Variants in RGS6 observed in about 807,000 individuals in gnomAD.
The protein encoded by RGS6 is regulator of G protein signaling 6, also known as regulator of G-protein signaling 6.
RGS6 carries 30 observed loss-of-function variants against 78.5 expected under a neutral mutation model. That is an observed-to-expected ratio of 0.38 (90% CI 0.29 to 0.52). The LOEUF (loss-of-function observed/expected upper bound fraction) is 0.52. Ranked by LOEUF, RGS6 falls within the 20% of genes least tolerant of loss-of-function variation. The pLI is 0.85. For missense variants in RGS6, 495 were observed against 609.7 expected, an observed-to-expected ratio of 0.81 and a Z score of 1.98; for synonymous variants, 206 against 206.0, an observed-to-expected ratio of 1.00 and a Z score of 0.00.
At chr14:71,907,295 TGC>T in the RGS6 span, among the ~76,000 whole-genome samples, 1 of 152,224 alleles carries the variant, frequency 6.6e-6, no homozygotes, top group Non-Finnish European at 1.5e-5. Context: ...TGACTTTGTC[TGC>T]AGGGTCAGGA....
intron 2 of RGS6, among the ~76,000 whole-genome samples, chr14:72,036,170 G>A (rs970102867): frequency 8.1e-5 from 12 of 147,876 alleles, no homozygotes; most frequent in African/African-American, 1.8e-4. Flanking sequence ...ATAATGCCTC[G>A]AAGACTCATC....
At chr14:72,379,073 C>G (rs1399614663) in intron 3 of RGS6, among the ~76,000 whole-genome samples, 4 of 151,920 alleles carry the variant, frequency 2.6e-5, no homozygotes, top group Admixed American at 1.3e-4. Flanking sequence ...TAGAATGAAA[C>G]ACAAAAGTTA....
At chr14:72,261,563 A>G (rs2058159214) in intron 2 of RGS6, among the ~76,000 whole-genome samples, 1 of 152,216 alleles carries the variant, frequency 6.6e-6, no homozygotes, top group African/African-American at 2.4e-5. Flanking sequence ...ATGGAGATCC[A>G]CTGGAACAAG....
Position 72,562,530 on chromosome 14 carries a change from A to G in RGS6, c.*63A>G. ...CCCCACAGGCAGGCGGCGGCGCTCC[A>G]CATCTGCGGACAGAGTTTCCTTACG... On this transcript the variant is annotated 3_prime_UTR_variant, in exon 18 of 18. Transcript: ENST00000553525. The G allele has an allele frequency of 1.3e-6, 2 of 1,599,936 alleles. No individual in the cohort carries two copies. The highest frequency in any genetic ancestry group is 4.5e-5 in the East Asian group (2 of 44,688).
chr14:72,359,043 C>T (rs1458023915), intron 3 of RGS6, among the ~76,000 whole-genome samples: 1 of 152,148 alleles, frequency 6.6e-6, no homozygotes, highest in Admixed American at 6.6e-5. Context: ...TTTCCTCTAC[C>T]TCACTCTTCA....
chr14:72,287,946 C>G (rs2062885828), intron 2 of RGS6, among the ~76,000 whole-genome samples: 1 of 152,194 alleles, frequency 6.6e-6, no homozygotes, highest in South Asian at 2.1e-4. Flanking sequence ...ATAAATCCCA[C>G]TTGGTCATGG....
In RGS6 at chr14:72,518,293, A is replaced by G. The variant is rs2096981030; in HGVS notation, c.1092-58A>G. 5 of 1,538,764 alleles carry G rather than the reference A, an allele frequency of 3.2e-6. No individual in the cohort carries two copies. In the South Asian group the frequency reaches 3.6e-5, roughly 11 times the overall value. ...GGGACATCAGCTCTGGGGCCATCTC[A>G]GGCAACATCCCGATGCTGAGCCCCC... On this transcript the variant is annotated intron_variant, in intron 14 of 17. Transcript: ENST00000553525.
intron 3 of RGS6, among the ~76,000 whole-genome samples, chr14:72,380,479 A>C (rs1375182048): frequency 6.6e-6 from 1 of 151,954 alleles, no homozygotes; most frequent in Non-Finnish European, 1.5e-5. Flanking sequence ...AAAAAAAAAA[A>C]ACCGAACAAT....
intron 2 of RGS6, among the ~76,000 whole-genome samples, chr14:72,284,003 T>C (rs964651550): frequency 6.6e-6 from 1 of 152,222 alleles, no homozygotes; most frequent in Non-Finnish European, 1.5e-5. Flanking sequence ...GCAAAGAGAC[T>C]GGTGGCATTT....
chr14:72,389,371 G>A (rs1356057855), intron 3 of RGS6, among the ~76,000 whole-genome samples: 1 of 152,164 alleles, frequency 6.6e-6, no homozygotes, highest in Admixed American at 6.5e-5. Flanking sequence ...ATGACCTTCT[G>A]AGAGTCAAAT....
chr14:72,433,854 C>T (rs2094776472), intron 3 of RGS6, among the ~76,000 whole-genome samples: 1 of 152,232 alleles, frequency 6.6e-6, no homozygotes, highest in South Asian at 2.1e-4. Context: ...CCACCCGTTT[C>T]ATCAGGTTGC....
chr14:72,030,958 A>G (rs1486352520), intron 2 of RGS6, among the ~76,000 whole-genome samples: 1 of 145,186 alleles, frequency 6.9e-6, no homozygotes, highest in African/African-American at 2.5e-5. Context: ...CTGGAAATCT[A>G]GAAATAAGAA....
At chr14:72,356,515 G>A (rs1403457085) in intron 3 of RGS6, among the ~76,000 whole-genome samples, 1 of 152,134 alleles carries the variant, frequency 6.6e-6, no homozygotes, top group African/African-American at 2.4e-5. Flanking sequence ...TATCAGCACT[G>A]GAGATGTGTG....
intron 2 of RGS6, among the ~76,000 whole-genome samples, chr14:72,075,813 CG>C (rs2094553415): frequency 6.6e-6 from 1 of 152,144 alleles, no homozygotes; most frequent in African/African-American, 2.4e-5. Flanking sequence ...ACGTGACCTC[CG>C]GACGGCAGTG....
chr14:72,148,112 C>A (rs1395397125), intron 2 of RGS6, among the ~76,000 whole-genome samples: 5 of 111,906 alleles, frequency 4.5e-5, no homozygotes, highest in Admixed American at 1.3e-4. Context: ...GCCTGGGTGA[C>A]AGAGCAAGAC....
At chr14:72,362,536 T>G (rs1190361249) in intron 3 of RGS6, among the ~76,000 whole-genome samples, 2 of 152,194 alleles carry the variant, frequency 1.3e-5, no homozygotes, top group African/African-American at 4.8e-5. Context: ...TTGTTTGGCC[T>G]TGGTGCTTAC....
intron 2 of RGS6, among the ~76,000 whole-genome samples, chr14:72,257,459 CTAAGTA>C (rs1292928870): frequency 6.6e-6 from 1 of 152,054 alleles, no homozygotes; most frequent in African/African-American, 2.4e-5. Context: ...TTGGGTTTCT[CTAAGTA>C]TAAGAGCATG....
At chr14:72,474,768 T>TAGTA in intron 10 of RGS6, 69 bp downstream of exon 10, 1 of 1,255,298 alleles carries the variant, frequency 8.0e-7, no homozygotes, top group Non-Finnish European at 1.1e-6. Context: ...ACTATTCAAA[T>TAGTA]AGTAATTTGC....
At position 72,398,195 on chromosome 14, in the gene RGS6, T is replaced by A. The variant is rs574098109; in HGVS notation, c.184+46001T>A. On this transcript the variant is annotated intron_variant, in intron 3 of 17. Transcript: ENST00000553525. ...CCATCTGGTCCTGGACTTTTTTTGG[T>A]TGGTAAGCTATTAATTATTGCCTCA... 1.6e-4 allele frequency among the ~76,000 whole-genome samples: 24 copies of A among 152,312 alleles called. No homozygotes were observed. In the South Asian group the frequency reaches 1.9e-3, roughly 12 times the overall value.
Sources: gnomAD v4.1 joint callset for allele counts (sites outside exome capture counted in the v4.1 genomes callset) on GRCh38, gnomAD v4.1.1 for gene constraint, MANE v1.5 for transcripts, NCBI Gene and HGNC (gene_info 2026-07-23, HGNC 2026-07-21) for gene names.